ARB2A: variants seen among roughly 807,000 people sequenced by gnomAD.
ARB2A encodes ARB2 cotranscriptional regulator A.
chr5:94,036,652 T>G, the ARB2A span, among the ~76,000 whole-genome samples: 3 of 151,706 alleles, frequency 2.0e-5, no homozygotes, highest in African/African-American at 7.3e-5. Context: ...GTAAGGGGGG[T>G]TTGGTTTGGG....
chr5:93,819,697 T>A, the ARB2A span, among the ~76,000 whole-genome samples: 1 of 152,224 alleles, frequency 6.6e-6, no homozygotes, highest in African/African-American at 2.4e-5. Flanking sequence ...AAAAGACTAA[T>A]TATTTTAGTT....
At chr5:93,737,634 A>T in the ARB2A span, 1 of 186,042 alleles carries the variant, frequency 5.4e-6, no homozygotes, top group Non-Finnish European at 1.1e-5. Flanking sequence ...TGGCATAAAG[A>T]CAGACATATA....
chr5:93,950,002 C>T, the ARB2A span, among the ~76,000 whole-genome samples: 4 of 152,132 alleles, frequency 2.6e-5, no homozygotes, highest in Non-Finnish European at 4.4e-5. Context: ...TTTAACATAA[C>T]GACCTCCAGT....
At chr5:93,780,357 G>C in the ARB2A span, among the ~76,000 whole-genome samples, 1 of 152,162 alleles carries the variant, frequency 6.6e-6, no homozygotes, top group Non-Finnish European at 1.5e-5. Flanking sequence ...GACAGTCCTG[G>C]GGTTTGAAGT....
chr5:93,960,998 C>A, the ARB2A span, among the ~76,000 whole-genome samples: 1 of 151,390 alleles, frequency 6.6e-6, no homozygotes, highest in African/African-American at 2.4e-5. Context: ...TACCTAGGAA[C>A]ATTATATAAA....
the ARB2A span, among the ~76,000 whole-genome samples, chr5:93,796,424 A>G: frequency 6.6e-6 from 1 of 152,150 alleles, no homozygotes; most frequent in African/African-American, 2.4e-5. Context: ...AAACCATTTA[A>G]ATGTTCTTAA....
chr5:93,897,837 A>C, the ARB2A span, among the ~76,000 whole-genome samples: 2 of 151,808 alleles, frequency 1.3e-5, no homozygotes, highest in African/African-American at 4.8e-5. Flanking sequence ...CAAAAAAAAA[A>C]GGACAATACA....
At chr5:93,900,269 A>G in the ARB2A span, among the ~76,000 whole-genome samples, 1 of 152,182 alleles carries the variant, frequency 6.6e-6, no homozygotes, top group Non-Finnish European at 1.5e-5. Context: ...ATAAAGTATT[A>G]AGGTAAAAAT....
At chr5:94,000,861 T>C in the ARB2A span, among the ~76,000 whole-genome samples, 1,741 of 152,216 alleles carry the variant, frequency 0.011, 37 homozygotes, top group African/African-American at 0.04. Context: ...TTCGGTTTTT[T>C]GCATGTGAAC....
the ARB2A span, among the ~76,000 whole-genome samples, chr5:93,867,590 G>T: frequency 2.0e-5 from 3 of 152,042 alleles, no homozygotes; most frequent in East Asian, 3.9e-4. Flanking sequence ...GCTAATTTTT[G>T]TATTTTGAGT....
chr5:93,826,173 A>G, the ARB2A span, among the ~76,000 whole-genome samples: 1 of 152,186 alleles, frequency 6.6e-6, no homozygotes, highest in Non-Finnish European at 1.5e-5. Flanking sequence ...ACAAACTAAA[A>G]TGTGAAATAA....
At chr5:93,675,135 C>A in the ARB2A span, among the ~76,000 whole-genome samples, 11 of 152,084 alleles carry the variant, frequency 7.2e-5, no homozygotes, top group African/African-American at 2.4e-4. Context: ...AAGTCATATG[C>A]CCCACCCTTG....
At chr5:93,681,619 A>C in the ARB2A span, among the ~76,000 whole-genome samples, 1 of 152,156 alleles carries the variant, frequency 6.6e-6, no homozygotes, top group South Asian at 2.1e-4. Flanking sequence ...TACCTGAACC[A>C]CATTTTGTAA....
At chr5:94,008,503 G>A in the ARB2A span, among the ~76,000 whole-genome samples, 1 of 152,156 alleles carries the variant, frequency 6.6e-6, no homozygotes, top group Admixed American at 6.5e-5. Flanking sequence ...TGAGTAGCAA[G>A]TGTTAGAAGA....
the ARB2A span, among the ~76,000 whole-genome samples, chr5:94,051,817 T>TTTTA: frequency 1.3e-5 from 2 of 152,106 alleles, no homozygotes; most frequent in Non-Finnish European, 1.5e-5. Flanking sequence ...CTACATTTAT[T>TTTTA]TTTATTTATT....
At chr5:93,784,961 C>A in the ARB2A span, among the ~76,000 whole-genome samples, 2 of 152,178 alleles carry the variant, frequency 1.3e-5, no homozygotes, top group Non-Finnish European at 2.9e-5. Flanking sequence ...ATTTAACTAG[C>A]CTGCTCTTCA....
At chr5:94,048,066 T>TTTC in the ARB2A span, among the ~76,000 whole-genome samples, 143 of 147,046 alleles carry the variant, frequency 9.7e-4, no homozygotes, top group African/African-American at 3.5e-3. Context: ...TTTTTTTTTT[T>TTTC]TTTTTTGAGA....
chr5:93,996,991 T>C, the ARB2A span, among the ~76,000 whole-genome samples: 7 of 152,144 alleles, frequency 4.6e-5, no homozygotes, highest in East Asian at 1.9e-4. Context: ...ATTAGGAATA[T>C]AGAATAGAAA....
the ARB2A span, among the ~76,000 whole-genome samples, chr5:94,109,542 T>C: frequency 6.6e-6 from 1 of 152,188 alleles, no homozygotes; most frequent in Non-Finnish European, 1.5e-5. Context: ...CAGATTCTCC[T>C]CAGAGGTTTG....
Sources: gnomAD v4.1 joint callset for allele counts (sites outside exome capture counted in the v4.1 genomes callset) on GRCh38, gnomAD v4.1.1 for gene constraint, MANE v1.5 for transcripts, NCBI Gene and HGNC (gene_info 2026-07-23, HGNC 2026-07-21) for gene names.